The following MOCS2 variants were observed in gnomAD, a reference collection of about 807,000 sequenced individuals.
MOCS2 encodes molybdopterin synthase catalytic subunit.
Under a neutral mutation model 21.9 loss-of-function variants are expected in MOCS2, and 13 were observed. That is an observed-to-expected ratio of 0.59 (90% confidence interval 0.39 to 0.94). The LOEUF is 0.94. Among genes scored for constraint, MOCS2 ranks in the 40% least tolerant of loss-of-function variants. MOCS2 has a pLI of 0.00. For missense variants in MOCS2, 227 were observed against 218.3 expected (o/e 1.04, Z -0.25); for synonymous variants, 92 against 80.8 (o/e 1.14, Z -0.74).
rs1282423251 is a variant in MOCS2, at chr5:53,097,460, GA to G, written c.*1141del. On this transcript the variant is annotated 3_prime_UTR_variant, in exon 7 of 7. Coordinates refer to ENST00000396954, the MANE Select transcript of MOCS2 (RefSeq NM_004531.5). ...CGTTTCTTATTTGTCCCAGACATAAGAAAAAAATCCTTCAATCTAAGTGTCT... is the reference window on the plus strand; with the variant it reads ...CGTTTCTTATTTGTCCCAGACATAAGAAAAAATCCTTCAATCTAAGTGTCT... The G allele has an allele frequency of 6.6e-6, 1 of 152,018 alleles. No individual in the cohort carries two copies. Among genetic ancestry groups the G allele is most frequent in the Admixed American group, 6.6e-5 (1 of 15,264 alleles). 9.4% of individuals were successfully genotyped at this position (152,018 alleles called of 1,614,324 possible).
intron 3 of MOCS2, 23 bp from the exon 4 acceptor site, chr5:53,102,247 C>A (rs1476257238): frequency 5.0e-6 from 8 of 1,606,266 alleles, no homozygotes; most frequent in South Asian, 1.1e-5. Flanking sequence ...CATTAACAAA[C>A]CTTAACAGAA....
rs966123788 is a variant in MOCS2 at position 53,096,091 on chromosome 5, T to TA, written c.*2510dup. On this transcript the variant is annotated 3_prime_UTR_variant, in exon 7 of 7. Coordinates refer to ENST00000396954, the MANE Select transcript of MOCS2 (RefSeq NM_004531.5). Reference sequence around the variant, plus strand: ...CAAGTTGCTAAGAGCAACTTTACTATAACTTTTACTATGGCTCTGGCTCTA... The same window carrying TA: ...CAAGTTGCTAAGAGCAACTTTACTATAAACTTTTACTATGGCTCTGGCTCTA... 2 of 152,228 alleles carry TA rather than the reference T, an allele frequency of 1.3e-5. No individual in the cohort carries two copies. Among genetic ancestry groups the TA allele is most frequent in the Admixed American group, 1.3e-4 (2 of 15,286 alleles). 9.4% of individuals were successfully genotyped at this position (152,228 alleles called of 1,614,324 possible). A position where few individuals can be genotyped will look rare whatever the true frequency, so the allele number is the denominator to read the frequency against.
In MOCS2 at chr5:53,105,068, T is replaced by C. The variant is rs74957816; in HGVS notation, c.98+2009A>G. ...AGGTAGCATGGGTCAAAGAGCCACC[T>C]GCAACACAGCCATAACAATAAAGCT... On this transcript the variant is annotated intron_variant, in intron 3 of 6. Coordinates refer to ENST00000396954, the MANE Select transcript of MOCS2 (RefSeq NM_004531.5). Among the ~76,000 whole-genome samples the C allele has an allele frequency of 9.3e-3, 1,419 of 152,288 alleles. 27 individuals carry two copies. Among genetic ancestry groups the C allele is most frequent in the African/African-American group, 0.033 (1,352 of 41,562 alleles).
chr5:53,103,129 T>C (rs1238220196), intron 3 of MOCS2, among the ~76,000 whole-genome samples: 1 of 152,120 alleles, frequency 6.6e-6, no homozygotes, highest in Non-Finnish European at 1.5e-5. Context: ...GAGGCATGAT[T>C]TGATCTGAAT....
chr5:53,099,588 T>C (rs1187103478), intron 6 of MOCS2, among the ~76,000 whole-genome samples: 1 of 152,216 alleles, frequency 6.6e-6, no homozygotes, highest in Non-Finnish European at 1.5e-5. Flanking sequence ...TCTGAAAACA[T>C]GGTCATCAAA....
intron 2 of MOCS2, chr5:53,107,468 A>T (rs1741083148): frequency 8.5e-6 from 4 of 472,532 alleles, no homozygotes; most frequent in Admixed American, 7.4e-5. Flanking sequence ...GAATTAAACA[A>T]CAAAAAAATG....
At chr5:53,107,413 C>T (rs983526359) in intron 2 of MOCS2, 192 bp from the exon 3 acceptor site, 7 of 572,990 alleles carry the variant, frequency 1.2e-5, no homozygotes, top group Admixed American at 3.1e-5. Flanking sequence ...CACAAAGATA[C>T]GTTAAACTGC....
intron 3 of MOCS2, among the ~76,000 whole-genome samples, chr5:53,105,373 A>G (rs1741023534): frequency 6.6e-6 from 1 of 152,116 alleles, no homozygotes; most frequent in African/African-American, 2.4e-5. Context: ...GGTACAAAAC[A>G]GGACACATAG....
intron 1 of MOCS2, among the ~76,000 whole-genome samples, 169 bp downstream of exon 1, chr5:53,109,082 G>A (rs1344725387): frequency 2.0e-5 from 3 of 152,144 alleles, no homozygotes; most frequent in Admixed American, 6.5e-5. Context: ...CTTAGATTCC[G>A]GTCTGTATAA....
chr5:53,108,447 TTTTTAC>T, intron 2 of MOCS2, 69 bp downstream of exon 2: 1 of 1,409,522 alleles, frequency 7.1e-7, no homozygotes, highest in Non-Finnish European at 9.7e-7. Flanking sequence ...GAAATTAACC[TTTTTAC>T]TTTTATCATT....
Position 53,109,534 on chromosome 5 carries a change from A to G in MOCS2, c.-453T>C, listed in dbSNP as rs1044126060. On this transcript the variant is annotated 5_prime_UTR_variant, in exon 1 of 7. Coordinates refer to ENST00000396954, the MANE Select transcript of MOCS2 (RefSeq NM_004531.5). ...CTGGGGCAGTCGCAGTAAAGCCCGG[A>G]GACAGGAAGGGCCCGGGGGCGGGGG... 8 of 1,168,048 alleles carry G rather than the reference A, an allele frequency of 6.8e-6. No individual in the cohort carries two copies. The highest frequency in any genetic ancestry group is 7.9e-6 in the Non-Finnish European group (7 of 881,512). The allele number at this position is 1,168,048 out of a possible 1,614,324, so 72.4% of individuals were successfully genotyped here.
chr5:53,096,273 AGG>A lies in MOCS2; in HGVS notation c.*2327_*2328del, dbSNP rs1227198661. On this transcript the variant is annotated 3_prime_UTR_variant, in exon 7 of 7. Transcript: ENST00000396954. ...TTGTGACTCTATACATCATATCCAA[AGG>A]ACAAAAATGTCCACAAAATAAGTCA... 3.9e-5 allele frequency: 6 copies of A among 152,242 alleles called. No individual in the cohort carries two copies. Among genetic ancestry groups the A allele is most frequent in the African/African-American group, 1.4e-4 (6 of 41,460 alleles). The allele number at this position is 152,242 out of a possible 1,614,324, so 9.4% of individuals were successfully genotyped here.
Position 53,098,479 on chromosome 5 carries a change from T to C in MOCS2, c.*123A>G. 1 of 829,162 alleles carries C rather than the reference T, an allele frequency of 1.2e-6. No individual in the cohort carries two copies. Among genetic ancestry groups the C allele is most frequent in the Non-Finnish European group, 2.1e-6 (1 of 483,910 alleles). 51.4% of individuals were successfully genotyped at this position (829,162 alleles called of 1,614,324 possible). On this transcript the variant is annotated 3_prime_UTR_variant, in exon 7 of 7. Coordinates refer to ENST00000396954, the MANE Select transcript of MOCS2 (RefSeq NM_004531.5). ...TCTTGCTTCCTTTTTCTCCCTTTTG[T>C]CCCACTAGTATAAGAGATTGTGCTT...
rs1347585842 is a variant in MOCS2 at position 53,100,550 on chromosome 5, G to T, written c.378-16C>A. On this transcript the variant is annotated splice_polypyrimidine_tract_variant and intron_variant, in intron 5 of 6. Transcript: ENST00000396954. ...TGGAACCAAGCTTTAACAAGATGAA[G>T]AGAAAAAAAAATCACCATCATCTCT... 1.9e-6 allele frequency: 3 copies of T among 1,608,626 alleles called. No individual in the cohort carries two copies. Among genetic ancestry groups the T allele is most frequent in the Non-Finnish European group, 2.5e-6 (3 of 1,177,884 alleles).
At chr5:53,099,603 C>G (rs1008160782) in intron 6 of MOCS2, among the ~76,000 whole-genome samples, 4 of 152,164 alleles carry the variant, frequency 2.6e-5, no homozygotes, top group African/African-American at 7.2e-5. Context: ...ATCAAATTTC[C>G]CAGGCCCTGG....
At position 53,098,443 on chromosome 5, in the gene MOCS2, A is replaced by G; in HGVS notation, c.*159T>C. On this transcript the variant is annotated 3_prime_UTR_variant, in exon 7 of 7. Coordinates refer to ENST00000396954, the MANE Select transcript of MOCS2 (RefSeq NM_004531.5). The stretch of plus-strand genomic sequence containing the variant: ...CATTTTAAATAACCCTTCATCCTAC[A>G]TACCCATTTATCTTGCTTCCTTTTT... The G allele has an allele frequency of 1.5e-6, 1 of 676,480 alleles. No homozygotes were observed. Among genetic ancestry groups the G allele is most frequent in the Non-Finnish European group, 2.7e-6 (1 of 372,454 alleles). 41.9% of individuals were successfully genotyped at this position (676,480 alleles called of 1,614,324 possible). A position where few individuals can be genotyped will look rare whatever the true frequency, so the allele number is the denominator to read the frequency against.
intron 4 of MOCS2, 47 bp downstream of exon 4, chr5:53,102,050 T>C (rs1579933120): frequency 6.3e-7 from 1 of 1,592,054 alleles, no homozygotes; most frequent in Non-Finnish European, 8.6e-7. Flanking sequence ...ACATGCTAAT[T>C]TCTATTGTCT....
chr5:53,097,023 C>T lies in MOCS2; in HGVS notation c.*1579G>A, dbSNP rs1740756244. 6.6e-6 allele frequency: 1 copy of T among 152,224 alleles called. No individual in the cohort carries two copies. The highest frequency in any genetic ancestry group is 1.5e-5 in the Non-Finnish European group (1 of 68,082). 9.4% of individuals were successfully genotyped at this position (152,224 alleles called of 1,614,324 possible). On this transcript the variant is annotated 3_prime_UTR_variant, in exon 7 of 7. Transcript: ENST00000396954. ...TGTGCTTTTAGATATAATGCAACAG[C>T]CAACACCCACCCCTTCTCTCCAATG...
At chr5:53,099,602 C>T (rs1301366868) in intron 6 of MOCS2, among the ~76,000 whole-genome samples, 3 of 152,170 alleles carry the variant, frequency 2.0e-5, no homozygotes, top group African/African-American at 7.2e-5. Flanking sequence ...CATCAAATTT[C>T]CCAGGCCCTG....
Sources: allele counts gnomAD v4.1 joint callset (sites outside exome capture counted in the v4.1 genomes callset), GRCh38; gene constraint gnomAD v4.1.1; transcripts MANE v1.5; gene names NCBI Gene and HGNC (gene_info 2026-07-23, HGNC 2026-07-21).